PDE4A: variants seen among roughly 807,000 people sequenced by gnomAD.
PDE4A encodes 3',5'-cyclic-AMP phosphodiesterase 4A.
PDE4A carries 21 observed loss-of-function variants against 73.9 expected under a neutral mutation model. The ratio of observed to expected loss-of-function variants is 0.28; its 90% CI spans 0.20 to 0.41. PDE4A has a LOEUF of 0.41. Ranked by LOEUF, PDE4A falls within the 10% of genes least tolerant of loss-of-function variation. The pLI, the probability that PDE4A is intolerant of heterozygous loss-of-function variation, is 1.00. For missense variants in PDE4A, 958 were observed against 1,211.4 expected, an observed-to-expected ratio of 0.79 and a Z score of 3.10; for synonymous variants, 463 against 505.4, an observed-to-expected ratio of 0.92 and a Z score of 1.13.
At chr19:10,455,675 A>T (rs1459493186) in intron 7 of PDE4A, among the ~76,000 whole-genome samples, 1 of 151,442 alleles carries the variant, frequency 6.6e-6, no homozygotes, top group African/African-American at 2.4e-5. Flanking sequence ...TTTAGCACTC[A>T]CTTGAACCCG....
chr19:10,467,047 G>A lies in PDE4A; in HGVS notation c.2087G>A (p.Arg696Lys), dbSNP rs1163837248. The A allele has an allele frequency of 6.2e-7, 1 of 1,614,144 alleles. No homozygotes were observed. ...TCTCCGCCACCCGAGGAGGAGTCAA[G>A]GGGGCCAGGCCACCCACCCCTGCCT... ...SPSPPPEEES[R>K]GPGHPPLPDK... is the part of the protein sequence containing the mutation. Residue 696 changes from arginine to lysine, a missense_variant, in exon 15 of 15, where the codon AGG (arginine) becomes AAG (lysine). Arg to Lys is a conservative substitution (Grantham distance 26, BLOSUM62 2). Transcript: ENST00000380702.
intron 1 of PDE4A, among the ~76,000 whole-genome samples, chr19:10,437,706 T>C (rs544496585): frequency 1.3e-5 from 2 of 152,050 alleles, no homozygotes; most frequent in Admixed American, 1.3e-4. Flanking sequence ...GAATGAGCCA[T>C]TCTGCTTGGC....
upstream of PDE4A, chr19:10,420,422 A>T (rs951030927): frequency 1.1e-6 from 1 of 909,614 alleles, no homozygotes; most frequent in Non-Finnish European, 1.3e-6. This position sits in a 1 kb window ranked among gnomAD's most constrained non-coding sequence, Gnocchi z 6.0. Flanking sequence ...CGGACGGAGG[A>T]GGAGGGGGGC....
chr19:10,431,447 T>C (rs1350462083), intron 1 of PDE4A, among the ~76,000 whole-genome samples: 2 of 152,086 alleles, frequency 1.3e-5, no homozygotes, highest in African/African-American at 2.4e-5. Flanking sequence ...CTTCTGTGGG[T>C]GGCCTTGCGG....
intron 1 of PDE4A, among the ~76,000 whole-genome samples, chr19:10,431,707 A>G (rs1052853057): frequency 6.6e-5 from 10 of 151,984 alleles, no homozygotes; most frequent in African/African-American, 1.9e-4. Flanking sequence ...TCCACGTGCA[A>G]TTGAGGCACA....
Position 10,457,962 on chromosome 19 carries a change from C to T in PDE4A, c.961C>T (p.Pro321Ser). ...AGCGCCGCGACCAAGACCCTCCCAG[C>T]CGCCCCCGCCCCCTGTACCACACTT... ...QQAPRPRPSQ[P>S]PPPPVPHLQP... The change falls in exon 8 of 15, where the codon CCG becomes TCG. Residue 321 changes from proline (P) to serine (S), a missense_variant. Physicochemically the swap from Pro to Ser is moderately conservative, Grantham distance 74 (BLOSUM62 -1). Around this residue, in one of 3 missense-constraint regions of PDE4A, gnomAD observed 570 missense variants for 827.7 expected, o/e 0.69. Coordinates refer to ENST00000380702, the MANE Select transcript of PDE4A (RefSeq NM_001111307.2). 6.2e-7 allele frequency: 1 copy of T among 1,613,580 alleles called. No individual in the cohort carries two copies. The highest frequency in any genetic ancestry group is 8.5e-7 in the Non-Finnish European group (1 of 1,179,878).
intron 1 of PDE4A, among the ~76,000 whole-genome samples, chr19:10,444,287 G>T (rs1187083934): frequency 6.6e-6 from 1 of 152,036 alleles, no homozygotes; most frequent in Non-Finnish European, 1.5e-5. Flanking sequence ...GCCTGAGGCA[G>T]GTGGATCACC....
upstream of PDE4A, chr19:10,418,727 C>T (rs2042610725): frequency 3.0e-6 from 3 of 984,600 alleles, no homozygotes; most frequent in Non-Finnish European, 3.6e-6. Flanking sequence ...CCAGCTGTGT[C>T]CTGACACCCC....
Position 10,467,264 on chromosome 19 carries a change from A to T in PDE4A, c.2304A>T (p.Ala768=). The change falls in exon 15 of 15, where the codon GCA becomes GCT. Residue 768 remains alanine, a synonymous_variant. Coordinates refer to ENST00000380702, the MANE Select transcript of PDE4A (RefSeq NM_001111307.2). ...QESLEVMAQE[A]SLEAELEAVY... is the part of the protein sequence containing the mutation. ...CGTTGGAAGTTATGGCACAGGAAGC[A>T]TCCCTGGAGGCCGAGCTGGAGGCAG... 1 of 1,614,168 alleles carries T rather than the reference A, an allele frequency of 6.2e-7. No individual in the cohort carries two copies.
At chr19:10,446,598 C>CTTTTTTTTTTTTTTTTTTTTTTTTT (rs1033532439) in intron 2 of PDE4A, among the ~76,000 whole-genome samples, 189 bp downstream of exon 2, 1 of 124,846 alleles carries the variant, frequency 8.0e-6, no homozygotes, top group East Asian at 2.6e-4. Flanking sequence ...TTTTTTTTTT[C>CTTTTTTTTTTTTTTTTTTTTTTTTT]TTTTTTTCTT....
upstream of PDE4A, chr19:10,417,910 C>G: frequency 6.6e-7 from 1 of 1,523,118 alleles, no homozygotes; most frequent in Non-Finnish European, 8.8e-7. Context: ...TGGGGAGGCA[C>G]AGTGCCAACT....
In PDE4A at chr19:10,467,015, G is replaced by A. The variant is rs774866928; in HGVS notation, c.2055G>A (p.Gln685=). 6.2e-7 allele frequency: 1 copy of A among 1,614,178 alleles called. No homozygotes were observed. The highest frequency in any genetic ancestry group is 1.1e-5 in the South Asian group (1 of 91,088). The change falls in exon 15 of 15, where the codon CAG becomes CAA. Residue 685 remains glutamine (Q), a synonymous_variant. Coordinates refer to ENST00000380702, the MANE Select transcript of PDE4A (RefSeq NM_001111307.2). ...NRDWYYSAIR[Q]SPSPPPEEES... ...ACTGGTACTACAGCGCCATCCGGCA[G>A]AGCCCATCTCCGCCACCCGAGGAGG...
intron 1 of PDE4A, chr19:10,421,423 C>A: frequency 1.2e-6 from 1 of 810,466 alleles, no homozygotes; most frequent in Middle Eastern, 6.2e-4. Context: ...CTTGGAGGGA[C>A]CTTCCTGGGG....
chr19:10,419,017 C>A (rs1409232265), upstream of PDE4A: 3 of 886,500 alleles, frequency 3.4e-6, no homozygotes, highest in Non-Finnish European at 4.0e-6. Flanking sequence ...CCCCCTCTGG[C>A]GGGGAGAAAA....
chr19:10,451,277 C>T (rs114979820), intron 6 of PDE4A, among the ~76,000 whole-genome samples: 4,298 of 152,150 alleles, frequency 0.028, 203 homozygotes, highest in African/African-American at 0.099. Flanking sequence ...AACCCCTGGG[C>T]GGCAGCTTCA....
chr19:10,455,412 C>T (rs1029551035), intron 7 of PDE4A, among the ~76,000 whole-genome samples: 3 of 150,056 alleles, frequency 2.0e-5, no homozygotes, highest in African/African-American at 7.4e-5. Flanking sequence ...TGCAGTGAGC[C>T]GAGATCGCTC....
chr19:10,445,037 G>A lies in PDE4A; in HGVS notation c.321-1181G>A, dbSNP rs113315628. 1.6e-3 allele frequency among the ~76,000 whole-genome samples: 248 copies of A among 152,242 alleles called. 2 individuals carry two copies. The highest frequency in any genetic ancestry group is 5.5e-3 in the African/African-American group (228 of 41,558). On this transcript the variant is annotated intron_variant, in intron 1 of 14. Coordinates refer to ENST00000380702, the MANE Select transcript of PDE4A (RefSeq NM_001111307.2). ...GTGGCTGGAGCAGAATGAGTGAGGG[G>A]GGAAGGGAAAGTCGTGGGACAGGAC...
At chr19:10,426,328 T>C (rs906367079) in intron 1 of PDE4A, among the ~76,000 whole-genome samples, 1 of 152,170 alleles carries the variant, frequency 6.6e-6, no homozygotes, top group African/African-American at 2.4e-5. Flanking sequence ...TAGACCAAGT[T>C]TGTCCAACCC....
chr19:10,446,273 C>T lies in PDE4A; in HGVS notation c.376C>T (p.Gln126Ter), dbSNP rs2043002823. Residue 126 changes from glutamine (Q) to a stop codon, truncating the protein, a stop_gained, in exon 2 of 15, where the codon CAG becomes TAG. Coordinates refer to ENST00000380702, the MANE Select transcript of PDE4A (RefSeq NM_001111307.2). LOFTEE classifies it high-confidence loss of function. ...TCCTGGCCGCAGCCCCCTGGACTCG[C>T]AGGCGAGCCCAGGACTCGTGCTGCA... is the stretch of plus-strand genomic sequence containing the variant. ...PSPGRSPLDS[Q>*]ASPGLVLHAG... 1 of 1,604,298 alleles carries T rather than the reference C, an allele frequency of 6.2e-7. No individual in the cohort carries two copies. Among genetic ancestry groups the T allele is most frequent in the Admixed American group, 1.7e-5 (1 of 58,138 alleles).
Sources: allele counts gnomAD v4.1 joint callset (sites outside exome capture counted in the v4.1 genomes callset), GRCh38; gene constraint gnomAD v4.1.1; regional missense constraint gnomAD v4.1.1; non-coding constraint Gnocchi (gnomAD v3.1); transcripts MANE v1.5; gene names NCBI Gene and HGNC (gene_info 2026-07-23, HGNC 2026-07-21).